Variants in SMPD2 observed in about 807,000 individuals in gnomAD.
SMPD2 encodes the protein sphingomyelin phosphodiesterase 2.
Under a neutral mutation model 41.7 loss-of-function variants are expected in SMPD2, and 35 were observed. That is an observed-to-expected ratio of 0.84 (90% CI 0.64 to 1.11). The LOEUF is 1.11. SMPD2 is among the 50% of genes most tolerant of loss of function. The probability of loss-of-function intolerance (pLI) is 0.00; values close to 1 mark genes in which losing one functional copy is unlikely to be tolerated. For missense variants in SMPD2, 520 were observed against 524.8 expected (o/e 0.99, Z 0.09); for synonymous variants, 201 against 208.2 (o/e 0.97, Z 0.30).
Position 109,442,606 on chromosome 6 carries a change from G to C in SMPD2, c.472G>C (p.Glu158Gln). 1 of 1,614,170 alleles carries C rather than the reference G, an allele frequency of 6.2e-7. No homozygotes were observed. The highest frequency in any genetic ancestry group is 8.5e-7 in the Non-Finnish European group (1 of 1,180,038). ...AGCACATCGTGTGGCCCAAGCTTGG[G>C]AATTGGCCCAGTTCATCCAGTGTGT... ...YLAHRVAQAW[E>Q]LAQFIHHTSK... The change falls in exon 6 of 10, where the codon GAA (glutamate) becomes CAA (glutamine). Residue 158 changes from glutamate (E) to glutamine (Q), a missense_variant. Transcript: ENST00000258052.
Position 109,443,900 on chromosome 6 carries a change from C to T in SMPD2, c.1267C>T (p.Gln423Ter), listed in dbSNP as rs745514590. The T allele has an allele frequency of 7.5e-6, 12 of 1,602,702 alleles. No individual in the cohort carries two copies. The Admixed American group carries it at 2.0e-4, about 27-fold the overall frequency. ...GCAGGAGGGGGACAGAACTAAAGAACAATAAAGCTTGGCCCTTTAGTGGCT... is the reference window on the plus strand; with the variant it reads ...GCAGGAGGGGGACAGAACTAAAGAATAATAAAGCTTGGCCCTTTAGTGGCT... Reference protein sequence around the residue: ...GQQEGDRTKEQ With the variant: ...GQQEGDRTKE The change falls in exon 10 of 10, where the codon CAA becomes TAA. Residue 423 changes from glutamine (Q) to a stop codon, truncating the protein, a stop_gained. Coordinates refer to ENST00000258052, the MANE Select transcript of SMPD2 (RefSeq NM_003080.3). LOFTEE classifies it high-confidence loss of function.
In SMPD2 at chr6:109,441,498, A is replaced by G. The variant is rs561839909; in HGVS notation, c.147+45A>G. On this transcript the variant is annotated intron_variant, in intron 2 of 9. Transcript: ENST00000258052. The stretch of plus-strand genomic sequence containing the variant: ...TGCGGAACCCAGGCTGGGAGGAGGG[A>G]CAGACCGTCCCACTGGGGAAAGACC... 47 of 1,612,412 alleles carry G rather than the reference A, an allele frequency of 2.9e-5. No homozygotes were observed. In the East Asian group the frequency reaches 5.6e-4, roughly 19 times the overall value.
Position 109,442,009 on chromosome 6 carries a change from A to G in SMPD2, c.260A>G (p.Lys87Arg), listed in dbSNP as rs1464364461. 6.2e-7 allele frequency: 1 copy of G among 1,614,064 alleles called. No homozygotes were observed. Among genetic ancestry groups the G allele is most frequent in the African/African-American group, 1.3e-5 (1 of 74,926 alleles). The part of the protein sequence containing the change: ...IIGSGLCVFS[K>R]HPIQELTQHI... ...GGCAGTGGCCTCTGTGTCTTCTCCA[A>G]ACATCCAATCCAGGAGCTTACCCAG... The change falls in exon 4 of 10, where the codon AAA (lysine) becomes AGA (arginine). Residue 87 changes from lysine (K) to arginine (R), a missense_variant. Transcript: ENST00000258052.
rs1774923860 is a variant in SMPD2 at position 109,442,062 on chromosome 6, T to TA, written c.314dup (p.Tyr105Ter). 1 of 1,611,904 alleles carries TA rather than the reference T, an allele frequency of 6.2e-7. No homozygotes were observed. The highest frequency in any genetic ancestry group is 1.3e-5 in the African/African-American group (1 of 74,890). ...CATCTACACTCTCAATGGCTACCCC[T>TA]ACATGGTAAGGCAGACCTTTGACCT... ...QHIYTLNGYP[Y>*]MIHHGDWFSG... Residue 105 changes from tyrosine to a stop codon, truncating the protein, a stop_gained and frameshift_variant, in exon 4 of 10, where the codon TAC (tyrosine) becomes TAAC (stop). Coordinates refer to ENST00000258052, the MANE Select transcript of SMPD2 (RefSeq NM_003080.3). LOFTEE classifies it high-confidence loss of function.
In SMPD2 at chr6:109,442,571, A is replaced by C; in HGVS notation, c.437A>C (p.Asp146Ala). ...HLHAEYNRQK[D>A]IYLAHRVAQA... ...CATGCCGAATACAATCGACAGAAGG[A>C]CATCTACCTAGCACATCGTGTGGCC... The change falls in exon 6 of 10, where the codon GAC becomes GCC. Residue 146 changes from aspartate to alanine, a missense_variant. Physicochemically the swap from Asp to Ala is moderately radical, Grantham distance 126. Transcript: ENST00000258052. The C allele has an allele frequency of 6.2e-7, 1 of 1,613,962 alleles. No individual in the cohort carries two copies. The highest frequency in any genetic ancestry group is 8.5e-7 in the Non-Finnish European group (1 of 1,179,914).
chr6:109,440,866 G>C lies in SMPD2; in HGVS notation c.-256G>C, dbSNP rs1179471150. The C allele has an allele frequency of 5.7e-6, 3 of 529,862 alleles. No homozygotes were observed. The African/African-American group carries it at 6.2e-5, about 11-fold the overall frequency. The allele number at this position is 529,862 out of a possible 1,614,324, so 32.8% of individuals were successfully genotyped here. A position where few individuals can be genotyped will look rare whatever the true frequency, so the allele number is the denominator to read the frequency against. The stretch of plus-strand genomic sequence containing the variant: ...AGGGTCCTAGCGCGCGGCCCTTACC[G>C]AGCCTGGGCGCCCGGATTTCGGCAG... On this transcript the variant is annotated 5_prime_UTR_variant, in exon 1 of 10. Transcript: ENST00000258052.
At position 109,441,401 on chromosome 6, in the gene SMPD2, G is replaced by A. The variant is rs751672841; in HGVS notation, c.95G>A (p.Arg32His). 1.2e-6 allele frequency: 2 copies of A among 1,614,180 alleles called. No individual in the cohort carries two copies. Among genetic ancestry groups the A allele is most frequent in the Middle Eastern group, 1.7e-4 (1 of 6,060 alleles). ...LSKHRADRMR[R>H]LGDFLNQESF... ...AAGCACCGGGCCGACCGCATGAGGC[G>A]CCTGGGAGACTTTCTGAACCAGGAG... The change falls in exon 2 of 10, where the codon CGC (arginine) becomes CAC (histidine). Residue 32 changes from arginine to histidine, a missense_variant. Arg to His is a conservative substitution (Grantham distance 29). Transcript: ENST00000258052.
chr6:109,440,913 C>A lies in SMPD2; in HGVS notation c.-209C>A, dbSNP rs1164818204. ...GCAGCGGATCGCCTTTCCGGGTTGG[C>A]GGCCCGCCTGATTGGGAACAGCCGG... On this transcript the variant is annotated 5_prime_UTR_variant, in exon 1 of 10. Transcript: ENST00000258052. 2 of 574,648 alleles carry A rather than the reference C, an allele frequency of 3.5e-6. No individual in the cohort carries two copies. The highest frequency in any genetic ancestry group is 6.0e-6 in the Non-Finnish European group (2 of 335,728). The allele number at this position is 574,648 out of a possible 1,614,324, so 35.6% of individuals were successfully genotyped here.
rs765649362 is a variant in SMPD2, at chr6:109,443,317, C to G, written c.780C>G (p.Gly260=). The G allele has an allele frequency of 3.1e-6, 5 of 1,613,930 alleles. No homozygotes were observed. In the African/African-American group the frequency reaches 6.7e-5, roughly 22 times the overall value. The part of the protein sequence containing the change: ...ISCKSFETTT[G]FDPHRGTPLS... Reference sequence around the variant, plus strand: ...GTAAGAGTTTTGAAACCACTACAGGCTTTGACCCTCACAGGGGCACCCCCC... The same window carrying G: ...GTAAGAGTTTTGAAACCACTACAGGGTTTGACCCTCACAGGGGCACCCCCC... Residue 260 remains glycine, a synonymous_variant, in exon 9 of 10, where the codon GGC becomes GGG. Transcript: ENST00000258052.
rs1049766814 is a variant in SMPD2, at chr6:109,440,870, C to T, written c.-252C>T. On this transcript the variant is annotated 5_prime_UTR_variant, in exon 1 of 10. Transcript: ENST00000258052. ...TCCTAGCGCGCGGCCCTTACCGAGC[C>T]TGGGCGCCCGGATTTCGGCAGCGGA... 7.4e-6 allele frequency: 4 copies of T among 538,554 alleles called. No individual in the cohort carries two copies. The highest frequency in any genetic ancestry group is 1.3e-5 in the Non-Finnish European group (4 of 311,296). The allele number at this position is 538,554 out of a possible 1,614,324, so 33.4% of individuals were successfully genotyped here. A position where few individuals can be genotyped will look rare whatever the true frequency, so the allele number is the denominator to read the frequency against.
In SMPD2 at chr6:109,442,811, A is replaced by G. The variant is rs1774993776; in HGVS notation, c.551A>G (p.Glu184Gly). 2 of 1,614,170 alleles carry G rather than the reference A, an allele frequency of 1.2e-6. No homozygotes were observed. Among genetic ancestry groups the G allele is most frequent in the Non-Finnish European group, 1.7e-6 (2 of 1,180,030 alleles). ...TGTGGAGACCTCAACATGCACCCAG[A>G]AGACCTGGGCTGCTGCCTGCTGAAG... ...LLCGDLNMHP[E>G]DLGCCLLKEW... Residue 184 changes from glutamate (E) to glycine (G), a missense_variant, in exon 7 of 10, where the codon GAA becomes GGA. Transcript: ENST00000258052.
Position 109,442,539 on chromosome 6 carries a change from T to C in SMPD2, c.409-4T>C, listed in dbSNP as rs747015783. The C allele has an allele frequency of 2.5e-6, 4 of 1,610,498 alleles. No individual in the cohort carries two copies. The South Asian group carries it at 4.4e-5, about 18-fold the overall frequency. On this transcript the variant is annotated splice_polypyrimidine_tract_variant and splice_region_variant and intron_variant, in intron 5 of 9. Coordinates refer to ENST00000258052, the MANE Select transcript of SMPD2 (RefSeq NM_003080.3). ...TCTGCTGTGATCTCATCTATCTTGC[T>C]CAGCTCCATGCCGAATACAATCGAC...
chr6:109,441,679 C>A (rs949753464), intron 3 of SMPD2, 51 bp downstream of exon 3: 2 of 1,524,024 alleles, frequency 1.3e-6, no homozygotes, highest in Non-Finnish European at 9.1e-7. Flanking sequence ...AGGCTCTTGG[C>A]CCTGCCAGCC....
At position 109,440,965 on chromosome 6, in the gene SMPD2, G is replaced by C. The variant is rs866461699; in HGVS notation, c.-157G>C. On this transcript the variant is annotated 5_prime_UTR_variant, in exon 1 of 10. Transcript: ENST00000258052. ...CGGTTGCCGGGGGAACGCGGGAGTC[G>C]GGCCCGACCTGAGCCACGCGGGCTT... 3.0e-6 allele frequency: 2 copies of C among 675,864 alleles called. No individual in the cohort carries two copies. The highest frequency in any genetic ancestry group is 1.9e-5 in the African/African-American group (1 of 52,802). 41.9% of individuals were successfully genotyped at this position (675,864 alleles called of 1,614,324 possible).
intron 3 of SMPD2, 97 bp from the exon 4 acceptor site, chr6:109,441,876 GA>G (rs1339778144): frequency 8.3e-6 from 10 of 1,205,888 alleles, no homozygotes; most frequent in African/African-American, 1.5e-5. Flanking sequence ...AGTAGAAAAA[GA>G]AAAAAATAGC....
chr6:109,443,382 G>C lies in SMPD2; in HGVS notation c.845G>C (p.Arg282Thr). The change falls in exon 9 of 10, where the codon AGG becomes ACG. Residue 282 changes from arginine (R) to threonine (T), a missense_variant. Transcript: ENST00000258052. ...GCCCTGATGGCTACTCTGTTTGTGA[G>C]GCACAGCCCCCCACAGCAGAACCCC... is the stretch of plus-strand genomic sequence containing the variant. ...HEALMATLFV[R>T]HSPPQQNPSS... 1.2e-6 allele frequency: 2 copies of C among 1,614,120 alleles called. No homozygotes were observed. Among genetic ancestry groups the C allele is most frequent in the Non-Finnish European group, 8.5e-7 (1 of 1,180,020 alleles).
Position 109,443,917 on chromosome 6 carries a change from T to G in SMPD2, c.*12T>G. On this transcript the variant is annotated 3_prime_UTR_variant, in exon 10 of 10. Coordinates refer to ENST00000258052, the MANE Select transcript of SMPD2 (RefSeq NM_003080.3). ...CTAAAGAACAATAAAGCTTGGCCCT[T>G]TAGTGGCTCTGCCTTTTTCCTTGTA... 1 of 1,589,982 alleles carries G rather than the reference T, an allele frequency of 6.3e-7. No individual in the cohort carries two copies. Among genetic ancestry groups the G allele is most frequent in the South Asian group, 1.1e-5 (1 of 89,958 alleles).
In SMPD2 at chr6:109,441,382, C is replaced by G; in HGVS notation, c.76C>G (p.Arg26Gly). ...GGGCATTCCGTACTTGAGCAAGCAC[C>G]GGGCCGACCGCATGAGGCGCCTGGG... ...CWGIPYLSKHRADRMRRLGDF... is the reference protein window; with the variant it reads ...CWGIPYLSKHGADRMRRLGDF... The change falls in exon 2 of 10, where the codon CGG becomes GGG. Residue 26 changes from arginine (R) to glycine (G), a missense_variant. Physicochemically the swap from Arg to Gly is moderately radical, Grantham distance 125 (BLOSUM62 -2). Transcript: ENST00000258052. The G allele has an allele frequency of 1.2e-6, 2 of 1,614,064 alleles. No individual in the cohort carries two copies. The highest frequency in any genetic ancestry group is 1.7e-6 in the Non-Finnish European group (2 of 1,179,950).
At position 109,442,048 on chromosome 6, in the gene SMPD2, T is replaced by G; in HGVS notation, c.299T>G (p.Leu100Arg). The G allele has an allele frequency of 1.9e-6, 3 of 1,613,372 alleles. No individual in the cohort carries two copies. Among genetic ancestry groups the G allele is most frequent in the Non-Finnish European group, 2.5e-6 (3 of 1,179,288 alleles). ...GAGCTTACCCAGCACATCTACACTC[T>G]CAATGGCTACCCCTACATGGTAAGG... ...IQELTQHIYT[L>R]NGYPYMIHHG... is the part of the protein sequence containing the mutation. The change falls in exon 4 of 10, where the codon CTC (leucine) becomes CGC (arginine). Residue 100 changes from leucine (L) to arginine (R), a missense_variant. Physicochemically the swap from Leu to Arg is moderately radical, Grantham distance 102 (BLOSUM62 -2). Transcript: ENST00000258052.
Sources: gnomAD v4.1 joint callset for allele counts on GRCh38, gnomAD v4.1.1 for gene constraint, MANE v1.5 for transcripts, NCBI Gene and HGNC (gene_info 2026-07-23, HGNC 2026-07-21) for gene names.